OTOGL: variants seen among roughly 807,000 people sequenced by gnomAD.
OTOGL encodes the protein otogelin like, also known as otogelin-like protein.
OTOGL carries 285 observed loss-of-function variants against 318.5 expected under a neutral mutation model. That is an observed-to-expected ratio of 0.89 (90% CI 0.81 to 0.99). The LOEUF (loss-of-function observed/expected upper bound fraction) is 0.99. Ranked by LOEUF, OTOGL falls within the 50% of genes least tolerant of loss-of-function variation. The pLI is 0.00. For synonymous variants in OTOGL, 987 were observed against 936.5 expected, an observed-to-expected ratio of 1.05 and a Z score of -0.99; for missense variants, 2,899 against 2,845.6, an observed-to-expected ratio of 1.02 and a Z score of -0.43.
intron 1 of OTOGL, among the ~76,000 whole-genome samples, chr12:80,141,106 A>G (rs964598804): frequency 1.3e-5 from 2 of 152,132 alleles, no homozygotes; most frequent in Non-Finnish European, 2.9e-5. Flanking sequence ...TTATTCTTGT[A>G]CCTTTATTTT....
In OTOGL at chr12:80,266,623, C is replaced by A; in HGVS notation, c.2390+7C>A. Reference sequence around the variant, plus strand: ...TTAACTTTTGTGTACCCATGTAAGTCGTAGAAACAGGTTGGCAGCATCCTG... The same window carrying A: ...TTAACTTTTGTGTACCCATGTAAGTAGTAGAAACAGGTTGGCAGCATCCTG... On this transcript the variant is annotated splice_region_variant and intron_variant, in intron 21 of 58. Coordinates refer to ENST00000547103, the MANE Select transcript of OTOGL (RefSeq NM_001378609.3). 1 of 1,610,214 alleles carries A rather than the reference C, an allele frequency of 6.2e-7. No homozygotes were observed. The highest frequency in any genetic ancestry group is 1.1e-5 in the South Asian group (1 of 90,644).
chr12:80,308,731 G>A (rs960607793), intron 29 of OTOGL, among the ~76,000 whole-genome samples: 2 of 152,202 alleles, frequency 1.3e-5, no homozygotes, highest in Admixed American at 6.5e-5. Context: ...TTGGGAGGCC[G>A]AGGCTGGCGG....
chr12:80,120,156 A>G (rs1592467499), intron 1 of OTOGL, among the ~76,000 whole-genome samples: 1 of 152,022 alleles, frequency 6.6e-6, no homozygotes, highest in East Asian at 1.9e-4. Flanking sequence ...ACATTTGGCC[A>G]ATCATAGGAT....
intron 1 of OTOGL, among the ~76,000 whole-genome samples, chr12:80,204,682 C>T (rs950306587): frequency 2.3e-4 from 35 of 151,748 alleles, no homozygotes; most frequent in African/African-American, 3.1e-4. Flanking sequence ...CTTGGAAGTA[C>T]GGAATTTAAT....
rs751676028 is a variant in OTOGL at position 80,342,174 on chromosome 12, G to C, written c.5265+12G>C. On this transcript the variant is annotated intron_variant, in intron 44 of 58. Transcript: ENST00000547103. ...CATGTCATGATAAAGTAAGTTGGAA[G>C]CAACCATAAATAATACTTTCATGTT... 1 of 1,527,182 alleles carries C rather than the reference G, an allele frequency of 6.5e-7. No homozygotes were observed. Among genetic ancestry groups the C allele is most frequent in the Non-Finnish European group, 8.9e-7 (1 of 1,121,628 alleles). The allele number at this position is 1,527,182 out of a possible 1,614,324, so 94.6% of individuals were successfully genotyped here.
At chr12:80,142,344 T>C (rs963637758) in intron 1 of OTOGL, among the ~76,000 whole-genome samples, 9 of 152,106 alleles carry the variant, frequency 5.9e-5, no homozygotes, top group Non-Finnish European at 1.3e-4. Flanking sequence ...CACAGATGTA[T>C]AGAAAGGAGC....
At chr12:80,368,119 A>T in intron 54 of OTOGL, 86 bp from the exon 55 acceptor site, 2 of 969,966 alleles carry the variant, frequency 2.1e-6, no homozygotes, top group Non-Finnish European at 3.1e-6. Flanking sequence ...AAGAGCTTGT[A>T]GTTATGTTTG....
intron 34 of OTOGL, 82 bp from the exon 35 acceptor site, chr12:80,323,641 T>A: frequency 9.4e-7 from 1 of 1,066,378 alleles, no homozygotes; most frequent in Non-Finnish European, 1.4e-6. Flanking sequence ...AGAGCGAGAC[T>A]GTCTCAAGAA....
At chr12:80,159,495 A>G (rs1873356243) in intron 1 of OTOGL, among the ~76,000 whole-genome samples, 1 of 151,858 alleles carries the variant, frequency 6.6e-6, no homozygotes, top group South Asian at 2.1e-4. Context: ...TTTTATTACC[A>G]TTTCAATCTT....
At chr12:80,307,265 C>G (rs1426438316) in intron 29 of OTOGL, among the ~76,000 whole-genome samples, 10 of 149,966 alleles carry the variant, frequency 6.7e-5, no homozygotes, top group South Asian at 2.1e-4. Context: ...CCTTTCCCCC[C>G]TTTCTATTCT....
chr12:80,314,357 T>C, intron 32 of OTOGL, 26 bp downstream of exon 32: 1 of 979,202 alleles, frequency 1.0e-6, no homozygotes, highest in Non-Finnish European at 1.4e-6. Context: ...ATTAAAAATA[T>C]CACTATAGTA....
At chr12:80,248,876 T>G (rs984211343) in intron 11 of OTOGL, among the ~76,000 whole-genome samples, 1 of 148,990 alleles carries the variant, frequency 6.7e-6, no homozygotes, top group Non-Finnish European at 1.5e-5. Context: ...TTTTATTCTT[T>G]TTTCTCTAAA....
At chr12:80,266,413 A>G (rs759425336) in intron 20 of OTOGL, 38 bp from the exon 21 acceptor site, 1 of 1,605,984 alleles carries the variant, frequency 6.2e-7, no homozygotes, top group South Asian at 1.1e-5. Context: ...TCTATGTGCC[A>G]TGGCAATCTT....
At chr12:80,161,554 G>GT (rs1429144158) in intron 1 of OTOGL, among the ~76,000 whole-genome samples, 3 of 152,064 alleles carry the variant, frequency 2.0e-5, no homozygotes, top group African/African-American at 7.2e-5. Context: ...AAATGGGTTG[G>GT]TGGTACGGCA....
Position 80,255,108 on chromosome 12 carries a change from A to C in OTOGL, c.1510A>C (p.Met504Leu). The C allele has an allele frequency of 2.6e-6, 4 of 1,527,272 alleles. No individual in the cohort carries two copies. The highest frequency in any genetic ancestry group is 3.5e-6 in the Non-Finnish European group (4 of 1,138,840). The allele number at this position is 1,527,272 out of a possible 1,614,324, so 94.6% of individuals were successfully genotyped here. ...TGGTCGACATTATTCTTTTATTGGC[A>C]TGTGCCAATACATCCTCGTGAAAGG... ...FDGRHYSFIGMCQYILVKGTG... is the reference protein window; with the variant it reads ...FDGRHYSFIGLCQYILVKGTG... The change falls in exon 16 of 59, where the codon ATG becomes CTG. Residue 504 changes from methionine to leucine, a missense_variant. Transcript: ENST00000547103.
intron 1 of OTOGL, among the ~76,000 whole-genome samples, chr12:80,173,618 T>A (rs568600986): frequency 2.6e-5 from 4 of 152,302 alleles, no homozygotes; most frequent in Non-Finnish European, 4.4e-5. Context: ...TGTGCTGACA[T>A]CCTATCTCAT....
chr12:80,230,108 A>G (rs1381666179), intron 8 of OTOGL, among the ~76,000 whole-genome samples: 1 of 152,188 alleles, frequency 6.6e-6, no homozygotes, highest in Non-Finnish European at 1.5e-5. Context: ...TGCCAGAACA[A>G]GTAAATTGTG....
chr12:80,170,201 G>A (rs1433120778), intron 1 of OTOGL, among the ~76,000 whole-genome samples: 5 of 118,298 alleles, frequency 4.2e-5, no homozygotes, highest in Non-Finnish European at 6.6e-5. Context: ...GTGTGTGTGT[G>A]TGTGTGTGTG....
At chr12:80,258,371 C>T (rs1882244696) in intron 18 of OTOGL, among the ~76,000 whole-genome samples, 1 of 151,874 alleles carries the variant, frequency 6.6e-6, no homozygotes, top group East Asian at 1.9e-4. Flanking sequence ...CTAAAAAAAC[C>T]AAACAAATAA....
Sources: gnomAD v4.1 joint callset for allele counts (sites outside exome capture counted in the v4.1 genomes callset) on GRCh38, gnomAD v4.1.1 for gene constraint, MANE v1.5 for transcripts, NCBI Gene and HGNC (gene_info 2026-07-23, HGNC 2026-07-21) for gene names.